NELL1: variants seen among roughly 807,000 people sequenced by gnomAD.
NELL1 encodes neural EGFL like 1, also known as protein kinase C-binding protein NELL1.
In NELL1, 76 loss-of-function variants were observed where a neutral mutation model predicts 107.4. That is an observed-to-expected ratio of 0.71 (90% CI 0.59 to 0.86). NELL1 has a LOEUF of 0.86. NELL1 is among the 40% of genes least tolerant of loss of function. The pLI, the probability that NELL1 is intolerant of heterozygous loss-of-function variation, is 0.00. For missense variants in NELL1, 1,024 were observed against 1,005.5 expected (o/e 1.02, Z -0.25); for synonymous variants, 353 against 341.2 (o/e 1.03, Z -0.38).
intron 13 of NELL1, among the ~76,000 whole-genome samples, chr11:21,154,316 G>A (rs539086413): frequency 6.6e-6 from 1 of 152,174 alleles, no homozygotes; most frequent in South Asian, 2.1e-4. Context: ...TTACCCTGGA[G>A]GATGGTGATA....
intron 13 of NELL1, among the ~76,000 whole-genome samples, chr11:21,165,758 C>CTTTTTTTTTTTTTTTTTTT (rs34509347): frequency 1.0e-5 from 1 of 98,510 alleles, no homozygotes. Flanking sequence ...ACAATGAGAT[C>CTTTTTTTTTTTTTTTTTTT]TTTTTTTTTT....
intron 15 of NELL1, among the ~76,000 whole-genome samples, chr11:21,492,198 C>A (rs372488988): frequency 4.0e-5 from 6 of 151,774 alleles, no homozygotes; most frequent in South Asian, 4.2e-4. Flanking sequence ...CAGTGAGATA[C>A]CATCTCACAC....
At chr11:21,562,343 T>C (rs1263654313) in intron 17 of NELL1, among the ~76,000 whole-genome samples, 4 of 152,058 alleles carry the variant, frequency 2.6e-5, no homozygotes, top group Non-Finnish European at 5.9e-5. Flanking sequence ...TCTAATTTTG[T>C]TAATATGATG....
At chr11:21,401,637 C>T (rs1380209048) in intron 15 of NELL1, among the ~76,000 whole-genome samples, 1 of 151,702 alleles carries the variant, frequency 6.6e-6, no homozygotes, top group Non-Finnish European at 1.5e-5. Flanking sequence ...AAACATGTAT[C>T]ACTGAAACTT....
At position 20,939,521 on chromosome 11, in the gene NELL1, T is replaced by G. The variant is rs117513917; in HGVS notation, c.1071+1662T>G. Reference sequence around the variant, plus strand: ...GGAGTCACTTATACAAGATTTAAAGTTTGGAGAAAGGACATATGATTAGCA... The same window carrying G: ...GGAGTCACTTATACAAGATTTAAAGGTTGGAGAAAGGACATATGATTAGCA... On this transcript the variant is annotated intron_variant, in intron 10 of 19. Transcript: ENST00000357134. Among the ~76,000 whole-genome samples the G allele has an allele frequency of 3.5e-3, 540 of 152,190 alleles. 3 individuals are homozygous for G. Among genetic ancestry groups the G allele is most frequent in the Non-Finnish European group, 4.5e-3 (304 of 68,010 alleles).
intron 14 of NELL1, among the ~76,000 whole-genome samples, chr11:21,279,290 G>A (rs1018715122): frequency 3.3e-5 from 5 of 152,110 alleles, no homozygotes; most frequent in African/African-American, 9.7e-5. Flanking sequence ...AATTTGTAAC[G>A]TTTGTTCTAG....
chr11:21,389,195 T>C (rs903978306), intron 15 of NELL1, among the ~76,000 whole-genome samples: 1 of 151,800 alleles, frequency 6.6e-6, no homozygotes, highest in Non-Finnish European at 1.5e-5. Flanking sequence ...TTCTCTCTTA[T>C]AGGTGAGGAA....
chr11:20,781,434 C>T (rs1856847900), intron 2 of NELL1, among the ~76,000 whole-genome samples: 1 of 151,978 alleles, frequency 6.6e-6, no homozygotes, highest in Non-Finnish European at 1.5e-5. Flanking sequence ...AAGTTGGAGG[C>T]CATTGGCCAT....
At chr11:20,759,561 C>T (rs115034908) in intron 2 of NELL1, among the ~76,000 whole-genome samples, 161 of 152,300 alleles carry the variant, frequency 1.1e-3, no homozygotes, top group African/African-American at 3.7e-3. Flanking sequence ...CTAAGTCTTT[C>T]TGGGGTTCCT....
chr11:20,973,652 A>T (rs1462209464), intron 12 of NELL1, among the ~76,000 whole-genome samples: 3 of 152,174 alleles, frequency 2.0e-5, no homozygotes, highest in Non-Finnish European at 4.4e-5. Context: ...TTCCAATTTT[A>T]AGTTGGAAAA....
intron 10 of NELL1, among the ~76,000 whole-genome samples, chr11:20,942,052 C>G (rs528045767): frequency 2.0e-5 from 3 of 152,216 alleles, no homozygotes; most frequent in African/African-American, 7.2e-5. Context: ...TTCAACACAC[C>G]TCTTGGAAAA....
intron 2 of NELL1, among the ~76,000 whole-genome samples, chr11:20,726,910 T>C (rs371096965): frequency 3.9e-5 from 6 of 152,336 alleles, no homozygotes; most frequent in Admixed American, 1.3e-4. Flanking sequence ...TCCATGTCCC[T>C]GCAAAGGACA....
chr11:21,536,834 C>G (rs1856151448), intron 16 of NELL1, among the ~76,000 whole-genome samples: 1 of 152,158 alleles, frequency 6.6e-6, no homozygotes, highest in East Asian at 1.9e-4. Flanking sequence ...CCTCTTGTTT[C>G]AATGTTACCT....
At position 20,784,978 on chromosome 11, in the gene NELL1, C is replaced by T. The variant is rs114161590; in HGVS notation, c.335+1148C>T. Among the ~76,000 whole-genome samples, 463 of 152,252 alleles carry T rather than the reference C, an allele frequency of 3.0e-3. 4 individuals are homozygous for T. Among genetic ancestry groups the T allele is most frequent in the African/African-American group, 0.01 (433 of 41,550 alleles). On this transcript the variant is annotated intron_variant, in intron 3 of 19. Coordinates refer to ENST00000357134, the MANE Select transcript of NELL1 (RefSeq NM_006157.5). Reference sequence around the variant, plus strand: ...CAAAATTACATAAATGTGTTAAGTTCACTGAATTAAATGCATTAGGTTAGT... The same window carrying T: ...CAAAATTACATAAATGTGTTAAGTTTACTGAATTAAATGCATTAGGTTAGT...
intron 5 of NELL1, among the ~76,000 whole-genome samples, chr11:20,906,414 A>G (rs1849999528): frequency 6.6e-6 from 1 of 152,158 alleles, no homozygotes; most frequent in African/African-American, 2.4e-5. Flanking sequence ...ATTGCAACAA[A>G]CATTCAAACA....
intron 13 of NELL1, among the ~76,000 whole-genome samples, chr11:21,193,737 C>T (rs993198045): frequency 6.6e-6 from 1 of 151,778 alleles, no homozygotes; most frequent in African/African-American, 2.4e-5. Context: ...CTTGATTTTT[C>T]CTTTTGAGTG....
intron 14 of NELL1, among the ~76,000 whole-genome samples, chr11:21,369,333 T>G (rs1359365342): frequency 6.6e-6 from 1 of 151,704 alleles, no homozygotes; most frequent in African/African-American, 2.4e-5. Context: ...TATTTCGTTT[T>G]CTGTGATGAA....
chr11:20,887,756 C>T (rs1002340518), intron 5 of NELL1, among the ~76,000 whole-genome samples: 1 of 152,110 alleles, frequency 6.6e-6, no homozygotes, highest in Non-Finnish European at 1.5e-5. Context: ...ATTAAAGTGG[C>T]CCTGGATTAG....
intron 13 of NELL1, among the ~76,000 whole-genome samples, chr11:21,199,468 C>T (rs1052607594): frequency 2.0e-5 from 3 of 152,128 alleles, no homozygotes; most frequent in Admixed American, 2.0e-4. Context: ...AAGACTCTTG[C>T]AATCTCAGTA....
Sources: gnomAD v4.1 joint callset for allele counts (sites outside exome capture counted in the v4.1 genomes callset) on GRCh38, gnomAD v4.1.1 for gene constraint, MANE v1.5 for transcripts, NCBI Gene and HGNC (gene_info 2026-07-23, HGNC 2026-07-21) for gene names.